Variants in ACSM2A observed in about 807,000 individuals in gnomAD.
ACSM2A encodes the protein acyl-CoA synthetase medium chain family member 2A.
Under a neutral mutation model 76.6 loss-of-function variants are expected in ACSM2A, and 72 were observed. The ratio of observed to expected loss-of-function variants is 0.94; its 90% CI spans 0.78 to 1.14. The LOEUF is 1.14. Among genes scored for constraint, ACSM2A ranks in the 50% most tolerant of loss-of-function variants. The pLI is 0.00. For missense variants in ACSM2A, 684 were observed against 708.5 expected, an observed-to-expected ratio of 0.97 and a Z score of 0.39; for synonymous variants, 249 against 255.9, an observed-to-expected ratio of 0.97 and a Z score of 0.26.
chr16:20,476,096 A>G (rs1220623098), intron 8 of ACSM2A: 4 of 1,083,920 alleles, frequency 3.7e-6, no homozygotes, highest in Non-Finnish European at 4.6e-6. Flanking sequence ...TAAATCAGAT[A>G]TGGTAGTCAG....
rs778077640 is a variant in ACSM2A, at chr16:20,471,197, A to G, written c.721A>G (p.Lys241Glu). Residue 241 changes from lysine (K) to glutamate (E), a missense_variant, in exon 5 of 14, where the codon AAG (lysine) becomes GAG (glutamate). Transcript: ENST00000573854. ...ACATTCCTACTCGAGCCTGGGCCTC[A>G]AGGCCAAGATGGATGCTGGGTAAGC... Reference protein sequence around the residue: ...AEHSYSSLGLKAKMDAGWTGL... With the variant: ...AEHSYSSLGLEAKMDAGWTGL... 50 of 1,610,916 alleles carry G rather than the reference A, an allele frequency of 3.1e-5. No homozygotes were observed. Among genetic ancestry groups the G allele is most frequent in the Middle Eastern group, 1.6e-4 (1 of 6,064 alleles).
rs568717334 is a variant in ACSM2A, at chr16:20,475,844, A to C, written c.1098+71A>C. The C allele has an allele frequency of 2.9e-4, 468 of 1,598,328 alleles. 2 individuals are homozygous for C. In the African/African-American group the frequency reaches 4.1e-3, roughly 14 times the overall value. ...TTCAAAATTCTCTTTGACAATAAAAATTGTTAGCCACCATGTATCATTCAT... is the reference window on the plus strand; with the variant it reads ...TTCAAAATTCTCTTTGACAATAAAACTTGTTAGCCACCATGTATCATTCAT... On this transcript the variant is annotated intron_variant, in intron 8 of 13. Transcript: ENST00000573854.
intron 8 of ACSM2A, 94 bp downstream of exon 8, chr16:20,475,867 C>G (rs1230454290): frequency 1.3e-6 from 2 of 1,578,214 alleles, no homozygotes; most frequent in Non-Finnish European, 1.7e-6. Flanking sequence ...ATGTATCATT[C>G]ATCTATTCGA....
At chr16:20,462,634 C>A (rs2012694272) in intron 2 of ACSM2A, among the ~76,000 whole-genome samples, 1 of 152,076 alleles carries the variant, frequency 6.6e-6, no homozygotes. Flanking sequence ...GATCTGAGAA[C>A]CCCTGAGGAT....
chr16:20,479,172 A>G (rs1432531783), intron 10 of ACSM2A, among the ~76,000 whole-genome samples: 1 of 152,048 alleles, frequency 6.6e-6, no homozygotes, highest in East Asian at 1.9e-4. Context: ...ACAGGTGAGG[A>G]TGGTGGAGCC....
At chr16:20,452,223 G>C (rs567847003) in intron 1 of ACSM2A, 2 of 152,060 alleles carry the variant, frequency 1.3e-5, no homozygotes, top group South Asian at 4.2e-4. Flanking sequence ...GAGTCGGTGG[G>C]CTGGGAGAGG....
chr16:20,476,604 T>A (rs762860893), intron 8 of ACSM2A: 123 of 985,472 alleles, frequency 1.2e-4, no homozygotes, highest in Non-Finnish European at 1.4e-4. Flanking sequence ...TAGGATATGC[T>A]TACAAGGACA....
chr16:20,454,959 A>G (rs2141678179), intron 1 of ACSM2A, among the ~76,000 whole-genome samples: 2 of 151,086 alleles, frequency 1.3e-5, no homozygotes, highest in East Asian at 3.9e-4. Context: ...TAGCATACAT[A>G]AAACAATCAT....
Position 20,477,372 on chromosome 16 carries a change from T to C in ACSM2A, c.1102T>C (p.Leu368=), listed in dbSNP as rs1351937916. 4.4e-6 allele frequency: 7 copies of C among 1,603,088 alleles called. No individual in the cohort carries two copies. The highest frequency in any genetic ancestry group is 1.3e-5 in the African/African-American group (1 of 74,558). Residue 368 remains leucine, a synonymous_variant, in exon 9 of 14, where the codon TTA becomes CTA. Transcript: ENST00000573854. Reference sequence around the variant, plus strand: ...ATCTGTCTGCTTCTTTCCACAGGGATTAACTTGCATGGTTTCCAAGACAAT... The same window carrying C: ...ATCTGTCTGCTTCTTTCCACAGGGACTAACTTGCATGGTTTCCAAGACAAT... The part of the protein sequence containing the change: ...RESYGQTETG[L]TCMVSKTMKI...
At chr16:20,473,931 T>A (rs4447417) in intron 6 of ACSM2A, 3 of 381,376 alleles carry the variant, frequency 7.9e-6, no homozygotes, top group Non-Finnish European at 1.5e-5. Flanking sequence ...TTATCTTAAC[T>A]AAGGCATTCC....
At chr16:20,479,019 C>A (rs2013932525) in intron 10 of ACSM2A, among the ~76,000 whole-genome samples, 1 of 152,200 alleles carries the variant, frequency 6.6e-6, no homozygotes, top group South Asian at 2.1e-4. Flanking sequence ...TAGGTATCAT[C>A]CCCATGCTCT....
intron 4 of ACSM2A, chr16:20,470,825 C>T: frequency 1.5e-6 from 1 of 669,226 alleles, no homozygotes; most frequent in Non-Finnish European, 2.7e-6. Context: ...GATATAAAGT[C>T]AGACACAGAG....
At chr16:20,459,804 T>C (rs1337996500) in intron 1 of ACSM2A, among the ~76,000 whole-genome samples, 1 of 152,162 alleles carries the variant, frequency 6.6e-6, no homozygotes. Context: ...AACTATCCCA[T>C]CTATGACCCA....
intron 2 of ACSM2A, among the ~76,000 whole-genome samples, chr16:20,463,956 C>G (rs7185111): frequency 0.39 from 58,506 of 151,784 alleles, 12,875 homozygotes; most frequent in East Asian, 0.79. Flanking sequence ...AATTTCTTCT[C>G]TCAGATTCCC....
At chr16:20,454,593 A>G (rs1234851695) in intron 1 of ACSM2A, among the ~76,000 whole-genome samples, 1 of 151,968 alleles carries the variant, frequency 6.6e-6, no homozygotes, top group Admixed American at 6.6e-5. Flanking sequence ...AGAAAGCCAC[A>G]TCCCTAGGAA....
rs2013236878 is a variant in ACSM2A at position 20,469,498 on chromosome 16, G to A, written c.389-14G>A. The A allele has an allele frequency of 6.2e-7, 1 of 1,610,480 alleles. No individual in the cohort carries two copies. The highest frequency in any genetic ancestry group is 1.3e-5 in the African/African-American group (1 of 74,840). On this transcript the variant is annotated splice_polypyrimidine_tract_variant and intron_variant, in intron 3 of 13. Transcript: ENST00000573854. ...ATCATCCTTTCCAATTCTCTAAATT[G>A]TTGGCTTCTTTAGGTCTCATCTTTA...
At chr16:20,470,586 G>A (rs1032205516) in intron 4 of ACSM2A, among the ~76,000 whole-genome samples, 6 of 152,114 alleles carry the variant, frequency 3.9e-5, no homozygotes, top group Non-Finnish European at 7.4e-5. Context: ...CTCAAAATCA[G>A]GACACTGGAG....
At position 20,471,524 on chromosome 16, in the gene ACSM2A, C is replaced by T; in HGVS notation, c.741-12C>T. On this transcript the variant is annotated splice_polypyrimidine_tract_variant and intron_variant, in intron 5 of 13. Transcript: ENST00000573854. ...CCACCTATATGTACATGTGTTTTGTCTGTGTTTTCAGTTGGACAGGCCTGC... is the reference window on the plus strand; with the variant it reads ...CCACCTATATGTACATGTGTTTTGTTTGTGTTTTCAGTTGGACAGGCCTGC... 2 of 1,607,124 alleles carry T rather than the reference C, an allele frequency of 1.2e-6. No homozygotes were observed. Among genetic ancestry groups the T allele is most frequent in the Non-Finnish European group, 1.7e-6 (2 of 1,176,192 alleles).
rs1177091026 is a variant in ACSM2A at position 20,477,057 on chromosome 16, T to G, written c.1099-312T>G. 5 of 279,128 alleles carry G rather than the reference T, an allele frequency of 1.8e-5. No individual in the cohort carries two copies. In the Admixed American group the frequency reaches 2.6e-4, roughly 14 times the overall value. 17.3% of individuals were successfully genotyped at this position (279,128 alleles called of 1,614,324 possible). A position where few individuals can be genotyped will look rare whatever the true frequency, so the allele number is the denominator to read the frequency against. ...TTGCATATTGGTGATCCCATATAGT[T>G]TGAAAGGGCTTTGGGTATCCATAGT... On this transcript the variant is annotated intron_variant, in intron 8 of 13. Transcript: ENST00000573854.
Sources: gnomAD v4.1 joint callset for allele counts (sites outside exome capture counted in the v4.1 genomes callset) on GRCh38, gnomAD v4.1.1 for gene constraint, MANE v1.5 for transcripts, NCBI Gene and HGNC (gene_info 2026-07-23, HGNC 2026-07-21) for gene names.